RESF1: variants seen among roughly 807,000 people sequenced by gnomAD.
RESF1 encodes retroelement silencing factor 1.
A neutral mutation model predicts 134.7 loss-of-function variants in RESF1; 65 were observed. The ratio of observed to expected loss-of-function variants is 0.48; its 90% CI spans 0.40 to 0.59. The LOEUF is 0.59. Among genes scored for constraint, RESF1 ranks in the 20% least tolerant of loss-of-function variants. RESF1 has a pLI of 0.00. For missense variants in RESF1, 2,274 were observed against 2,002.7 expected, an observed-to-expected ratio of 1.14 and a Z score of -2.59; for synonymous variants, 762 against 702.2, an observed-to-expected ratio of 1.09 and a Z score of -1.35.
chr12:31,978,403 C>T (rs2120827072), intron 3 of RESF1, among the ~76,000 whole-genome samples: 1 of 149,408 alleles, frequency 6.7e-6, no homozygotes, highest in Middle Eastern at 3.5e-3. Context: ...TTCTTTATAC[C>T]AGCTAGGATC....
chr12:31,969,930 G>A (rs1430151345), intron 2 of RESF1, among the ~76,000 whole-genome samples: 1 of 152,166 alleles, frequency 6.6e-6, no homozygotes, highest in Non-Finnish European at 1.5e-5. Flanking sequence ...TCATGTGTAT[G>A]TGTGCTTGTG....
Position 31,982,491 on chromosome 12 carries a change from G to A in RESF1, c.1536G>A (p.Lys512=), listed in dbSNP as rs753448454. The change falls in exon 4 of 6, where the codon AAG becomes AAA. Residue 512 remains lysine (K), a synonymous_variant. Transcript: ENST00000312561. ...TACCAAATCCTGTCTATTCTGAAAA[G>A]CGGCCAATGCCAGACTCATCTCATG... ...SVLPNPVYSE[K]RPMPDSSHDV... is the part of the protein sequence containing the mutation. 3.5e-5 allele frequency: 56 copies of A among 1,613,508 alleles called. No individual in the cohort carries two copies. Among genetic ancestry groups the A allele is most frequent in the Non-Finnish European group, 4.4e-5 (52 of 1,180,014 alleles).
At chr12:31,980,621 C>T (rs1939759899) in intron 3 of RESF1, among the ~76,000 whole-genome samples, 2 of 152,032 alleles carry the variant, frequency 1.3e-5, no homozygotes. Flanking sequence ...TAAGTAAAAA[C>T]AGAAGGTGAT....
At position 31,981,351 on chromosome 12, in the gene RESF1, A is replaced by G; in HGVS notation, c.396A>G (p.Ile132Met). 1 of 1,614,152 alleles carries G rather than the reference A, an allele frequency of 6.2e-7. No homozygotes were observed. The highest frequency in any genetic ancestry group is 8.5e-7 in the Non-Finnish European group (1 of 1,180,028). ...TGAGGAATCCTGTGCATTCTCATAT[A>G]GGGGCAACTGTATCTCATCAAACTG... ...SPMRNPVHSH[I>M]GATVSHQTDF... Residue 132 changes from isoleucine (I) to methionine (M), a missense_variant, in exon 4 of 6, where the codon ATA becomes ATG. Ile to Met is a conservative substitution (Grantham distance 10). Transcript: ENST00000312561.
At position 31,985,023 on chromosome 12, in the gene RESF1, A is replaced by G. The variant is rs1180580645; in HGVS notation, c.4068A>G (p.Ser1356=). ...VYKKHSSLGQ[S]LSPEKIKLKL... is the part of the protein sequence containing the mutation. ...AGAAGCATAGTTCTTTGGGACAGTC[A>G]TTATCACCAGAAAAGATAAAATTGA... The change falls in exon 4 of 6, where the codon TCA becomes TCG. Residue 1356 remains serine, a synonymous_variant. Transcript: ENST00000312561. The G allele has an allele frequency of 6.3e-7, 1 of 1,592,126 alleles. No homozygotes were observed. Among genetic ancestry groups the G allele is most frequent in the East Asian group, 2.2e-5 (1 of 44,756 alleles).
At position 31,981,748 on chromosome 12, in the gene RESF1, C is replaced by T. The variant is rs767130616; in HGVS notation, c.793C>T (p.Pro265Ser). 5.6e-6 allele frequency: 9 copies of T among 1,613,640 alleles called. No homozygotes were observed. Among genetic ancestry groups the T allele is most frequent in the Non-Finnish European group, 5.1e-6 (6 of 1,179,988 alleles). Residue 265 changes from proline to serine, a missense_variant, in exon 4 of 6, where the codon CCA becomes TCA. Transcript: ENST00000312561. Reference sequence around the variant, plus strand: ...ACCATCAAGGCAGACCTCAGCTGTACCATCACAGCAGTATGCCACGCAAAC... The same window carrying T: ...ACCATCAAGGCAGACCTCAGCTGTATCATCACAGCAGTATGCCACGCAAAC... ...TLPSRQTSAV[P>S]SQQYATQTDK... is the part of the protein sequence containing the mutation.
intron 2 of RESF1, among the ~76,000 whole-genome samples, chr12:31,966,900 G>C (rs1043237207): frequency 6.6e-6 from 1 of 152,196 alleles, no homozygotes; most frequent in Admixed American, 6.5e-5. Context: ...CAGCTTCACC[G>C]TGGTGCCCTG....
chr12:31,979,023 C>G (rs1346847746), intron 3 of RESF1, among the ~76,000 whole-genome samples: 1 of 149,648 alleles, frequency 6.7e-6, no homozygotes, highest in Admixed American at 6.6e-5. Context: ...CGGGTTCTCA[C>G]CATTCTCCTG....
At chr12:31,977,919 C>T (rs1481476829) in intron 3 of RESF1, among the ~76,000 whole-genome samples, 1 of 151,658 alleles carries the variant, frequency 6.6e-6, no homozygotes, top group Non-Finnish European at 1.5e-5. Context: ...AATCCTCCCA[C>T]CTCAGCCTTC....
chr12:31,961,298 A>G (rs1322890772), intron 2 of RESF1, among the ~76,000 whole-genome samples: 1 of 152,218 alleles, frequency 6.6e-6, no homozygotes, highest in Non-Finnish European at 1.5e-5. Flanking sequence ...CTGTAACCAC[A>G]AAGTGTGTTA....
chr12:31,960,909 A>C (rs1939250877), intron 2 of RESF1, 38 bp downstream of exon 2: 1 of 152,218 alleles, frequency 6.6e-6, no homozygotes, highest in South Asian at 2.1e-4. Context: ...CCCTGATTTA[A>C]CCAGGCGGTT....
At chr12:31,966,116 A>C (rs1182256952) in intron 2 of RESF1, among the ~76,000 whole-genome samples, 1 of 152,172 alleles carries the variant, frequency 6.6e-6, no homozygotes. Context: ...GTCTTGGGCC[A>C]CACATAAAAT....
Position 31,985,402 on chromosome 12 carries a change from A to G in RESF1, c.4447A>G (p.Lys1483Glu). ...TGATTCTGAACATATGAGACCAAGTAAACTTGCCGTGCAGGTTGAAAGTTG... is the reference window on the plus strand; with the variant it reads ...TGATTCTGAACATATGAGACCAAGTGAACTTGCCGTGCAGGTTGAAAGTTG... ...PCDSEHMRPS[K>E]LAVQVESCGK... Residue 1483 changes from lysine to glutamate, a missense_variant, in exon 4 of 6, where the codon AAA (lysine) becomes GAA (glutamate). Coordinates refer to ENST00000312561, the MANE Select transcript of RESF1 (RefSeq NM_018169.4). 1.2e-6 allele frequency: 2 copies of G among 1,605,684 alleles called. No homozygotes were observed. The highest frequency in any genetic ancestry group is 1.3e-5 in the African/African-American group (1 of 74,402).
chr12:31,980,008 C>T (rs1475825169), intron 3 of RESF1, among the ~76,000 whole-genome samples: 1 of 151,782 alleles, frequency 6.6e-6, no homozygotes, highest in African/African-American at 2.4e-5. Flanking sequence ...CTTTAAGTCA[C>T]CTTAGTAGCA....
chr12:31,969,366 C>T (rs372540150), intron 2 of RESF1, among the ~76,000 whole-genome samples: 1 of 152,168 alleles, frequency 6.6e-6, no homozygotes, highest in Non-Finnish European at 1.5e-5. Context: ...ATTAGCCACA[C>T]GGTGGCATTC....
chr12:31,989,856 A>G (rs536466721), intron 5 of RESF1, among the ~76,000 whole-genome samples: 18 of 151,402 alleles, frequency 1.2e-4, no homozygotes, highest in Admixed American at 4.7e-4. Flanking sequence ...TGTCTCAAAA[A>G]AAAAGTCAGT....
At position 31,980,946 on chromosome 12, in the gene RESF1, C is replaced by T; in HGVS notation, c.-10C>T. Reference sequence around the variant, plus strand: ...GACTTGTAATACACTGCTACTATATCAAACCGACAATGAATTGGAATGAAA... The same window carrying T: ...GACTTGTAATACACTGCTACTATATTAAACCGACAATGAATTGGAATGAAA... On this transcript the variant is annotated 5_prime_UTR_variant, in exon 4 of 6. Coordinates refer to ENST00000312561, the MANE Select transcript of RESF1 (RefSeq NM_018169.4). 1 of 1,585,658 alleles carries T rather than the reference C, an allele frequency of 6.3e-7. No homozygotes were observed. Among genetic ancestry groups the T allele is most frequent in the Non-Finnish European group, 8.6e-7 (1 of 1,166,174 alleles).
At position 31,968,758 on chromosome 12, in the gene RESF1, C is replaced by G. The variant is rs541000039; in HGVS notation, c.-246-1431C>G. Among the ~76,000 whole-genome samples the G allele has an allele frequency of 6.6e-5, 10 of 152,260 alleles. 2 individuals are homozygous for G. Among genetic ancestry groups the G allele is most frequent in the African/African-American group, 2.2e-4 (9 of 41,556 alleles). On this transcript the variant is annotated intron_variant, in intron 2 of 5. Coordinates refer to ENST00000312561, the MANE Select transcript of RESF1 (RefSeq NM_018169.4). The stretch of plus-strand genomic sequence containing the variant: ...CCACCGCGCCCGGCCTAGGACTTCT[C>G]TTTAATGGGGTGTTCAGATAATGTT...
At chr12:31,960,305 C>T (rs919990742) in intron 1 of RESF1, among the ~76,000 whole-genome samples, 13 of 152,092 alleles carry the variant, frequency 8.5e-5, no homozygotes, top group African/African-American at 2.9e-4. Context: ...TGTGTATGAG[C>T]TTGAGGCGCA....
Sources: gnomAD v4.1 joint callset for allele counts (sites outside exome capture counted in the v4.1 genomes callset) on GRCh38, gnomAD v4.1.1 for gene constraint, MANE v1.5 for transcripts, NCBI Gene and HGNC (gene_info 2026-07-23, HGNC 2026-07-21) for gene names.